The following EDIL3 variants were observed in gnomAD, a reference collection of about 807,000 sequenced individuals.
The protein encoded by EDIL3 is EGF-like repeat and discoidin I-like domain-containing protein 3.
In EDIL3, 37 loss-of-function variants were observed where a neutral mutation model predicts 67.4. The observed-to-expected ratio is 0.55, with a 90% CI of 0.42 to 0.72. The LOEUF (loss-of-function observed/expected upper bound fraction) is 0.72, where lower values mean the gene tolerates loss of function less well. Ranked by LOEUF, EDIL3 falls within the 30% of genes least tolerant of loss-of-function variation. The pLI is 0.00. For synonymous variants in EDIL3, 195 were observed against 196.3 expected (o/e 0.99, Z 0.05); for missense variants, 527 against 586.3 (o/e 0.90, Z 1.04).
At chr5:84,218,060 G>A (rs1456891964) in intron 3 of EDIL3, among the ~76,000 whole-genome samples, 1 of 151,982 alleles carries the variant, frequency 6.6e-6, no homozygotes, top group Non-Finnish European at 1.5e-5. Flanking sequence ...ACACCTCTAG[G>A]ACTATCTTTC....
At chr5:84,053,556 C>G (rs1335545775) in intron 9 of EDIL3, among the ~76,000 whole-genome samples, 1 of 151,834 alleles carries the variant, frequency 6.6e-6, no homozygotes, top group South Asian at 2.1e-4. Context: ...ATTGATAGAC[C>G]GCTAGCAAGA....
chr5:84,054,766 C>A (rs1460725642), intron 9 of EDIL3, among the ~76,000 whole-genome samples: 19 of 151,738 alleles, frequency 1.3e-4, no homozygotes, highest in Admixed American at 5.2e-4. Flanking sequence ...TGTGAAGGAC[C>A]TCTTCAAGGA....
chr5:84,357,263 C>T (rs1050911880), intron 1 of EDIL3, among the ~76,000 whole-genome samples: 3 of 152,054 alleles, frequency 2.0e-5, no homozygotes, highest in African/African-American at 7.2e-5. Flanking sequence ...CACATTAATT[C>T]TAATTTGTAC....
chr5:84,052,045 A>G (rs1281305617), intron 9 of EDIL3, among the ~76,000 whole-genome samples: 2 of 152,242 alleles, frequency 1.3e-5, no homozygotes, highest in Non-Finnish European at 2.9e-5. Flanking sequence ...AAAAACGTTA[A>G]GGGCAGCCAG....
chr5:84,298,871 C>T (rs527902403), intron 1 of EDIL3, among the ~76,000 whole-genome samples: 14 of 152,110 alleles, frequency 9.2e-5, no homozygotes, highest in Non-Finnish European at 1.9e-4. Context: ...AATGCTGATT[C>T]GGTCTTTTGT....
At chr5:84,249,566 G>T (rs1384614135) in intron 2 of EDIL3, among the ~76,000 whole-genome samples, 1 of 151,950 alleles carries the variant, frequency 6.6e-6, no homozygotes. Context: ...CTATTACTTA[G>T]TAAACACTCA....
intron 1 of EDIL3, among the ~76,000 whole-genome samples, chr5:84,267,786 A>G (rs1451223800): frequency 6.6e-6 from 1 of 152,254 alleles, no homozygotes; most frequent in Non-Finnish European, 1.5e-5. Flanking sequence ...AATATATGAA[A>G]TGACAAAATG....
chr5:84,381,655 G>A (rs1748076830), intron 1 of EDIL3, among the ~76,000 whole-genome samples: 1 of 152,086 alleles, frequency 6.6e-6, no homozygotes, highest in African/African-American at 2.4e-5. Flanking sequence ...GACATGTCTA[G>A]ACATTTTTAG....
At chr5:84,244,425 T>G (rs2112063394) in intron 2 of EDIL3, among the ~76,000 whole-genome samples, 1 of 151,548 alleles carries the variant, frequency 6.6e-6, no homozygotes, top group African/African-American at 2.4e-5. Flanking sequence ...ATTACAGGTG[T>G]GCACCACCAC....
rs1468600710 is a variant in EDIL3 at position 84,263,209 on chromosome 5, A to C, written c.68-8997T>G. ...AGCATGAGAGAGGGCCACCAAACCC[A>C]GAACTGTGAGTCAAGAAGCCTTCTG... is the stretch of plus-strand genomic sequence containing the variant. On this transcript the variant is annotated intron_variant, in intron 1 of 10. Transcript: ENST00000296591. Among the ~76,000 whole-genome samples, 6 of 152,310 alleles carry C rather than the reference A, an allele frequency of 3.9e-5. No individual in the cohort carries two copies. In the East Asian group the frequency reaches 1.2e-3, roughly 29 times the overall value.
intron 1 of EDIL3, among the ~76,000 whole-genome samples, chr5:84,356,784 A>C (rs1747491722): frequency 6.6e-6 from 1 of 152,026 alleles, no homozygotes; most frequent in African/African-American, 2.4e-5. Flanking sequence ...TAGGTCTAAC[A>C]AACCATACTC....
At chr5:84,305,865 C>G (rs925662853) in intron 1 of EDIL3, among the ~76,000 whole-genome samples, 9 of 151,080 alleles carry the variant, frequency 6.0e-5, no homozygotes, top group African/African-American at 2.2e-4. Context: ...AGCGACAGAG[C>G]AAGACTTGGT....
At chr5:84,324,269 T>C (rs1175306607) in intron 1 of EDIL3, among the ~76,000 whole-genome samples, 1 of 151,840 alleles carries the variant, frequency 6.6e-6, no homozygotes, top group Non-Finnish European at 1.5e-5. Context: ...GAAGGAAAAC[T>C]GACATTCTCA....
Position 84,384,292 on chromosome 5 carries a change from G to A in EDIL3, c.67+16C>T. The A allele has an allele frequency of 6.2e-7, 1 of 1,605,650 alleles. No homozygotes were observed. Among genetic ancestry groups the A allele is most frequent in the Non-Finnish European group, 8.5e-7 (1 of 1,176,032 alleles). On this transcript the variant is annotated intron_variant, in intron 1 of 10. Transcript: ENST00000296591. ...AGCCCATCCCTCACCCAGCTGTCCG[G>A]GTCCCGACGCCTTACCTTTGCCGAA...
In EDIL3 at chr5:83,941,133, T is replaced by G. The variant is rs1744216666; in HGVS notation, c.*2286A>C. On this transcript the variant is annotated 3_prime_UTR_variant, in exon 11 of 11. Transcript: ENST00000296591. The stretch of plus-strand genomic sequence containing the variant: ...CATGAATGACACAAAAGCTACTTCA[T>G]AATACTACTTTACAATAGTTTTCAA... The G allele has an allele frequency of 6.6e-6, 1 of 152,026 alleles. No individual in the cohort carries two copies. Among genetic ancestry groups the G allele is most frequent in the Non-Finnish European group, 1.5e-5 (1 of 67,902 alleles). The allele number at this position is 152,026 out of a possible 1,614,324, so 9.4% of individuals were successfully genotyped here. A position where few individuals can be genotyped will look rare whatever the true frequency, so the allele number is the denominator to read the frequency against.
Position 84,220,533 on chromosome 5 carries a change from C to A in EDIL3, c.226+9322G>T, listed in dbSNP as rs181235686. Among the ~76,000 whole-genome samples the A allele has an allele frequency of 7.2e-5, 11 of 151,910 alleles. No individual in the cohort carries two copies. The East Asian group carries it at 1.9e-3, about 27-fold the overall frequency. On this transcript the variant is annotated intron_variant, in intron 3 of 10. Transcript: ENST00000296591. ...AACATAGCAAAGTATAGAAAAATAA[C>A]CATGAAGGTAGTTAAAGTGAAAAAG...
At chr5:84,096,109 T>C (rs1747258225) in intron 6 of EDIL3, among the ~76,000 whole-genome samples, 1 of 152,134 alleles carries the variant, frequency 6.6e-6, no homozygotes, top group Non-Finnish European at 1.5e-5. Context: ...GGTGAGGCCC[T>C]CATGGAAAAC....
intron 6 of EDIL3, among the ~76,000 whole-genome samples, chr5:84,081,392 G>A (rs1746964737): frequency 6.6e-6 from 1 of 152,124 alleles, no homozygotes; most frequent in Non-Finnish European, 1.5e-5. Context: ...TGTAAATAAA[G>A]ATAAAGTTGA....
chr5:84,057,050 T>C (rs1287748193), intron 9 of EDIL3, among the ~76,000 whole-genome samples: 1 of 152,074 alleles, frequency 6.6e-6, no homozygotes, highest in Non-Finnish European at 1.5e-5. Context: ...TTGCATGATG[T>C]CACAAAATAA....
Sources: gnomAD v4.1 joint callset for allele counts (sites outside exome capture counted in the v4.1 genomes callset) on GRCh38, gnomAD v4.1.1 for gene constraint, MANE v1.5 for transcripts, NCBI Gene and HGNC (gene_info 2026-07-23, HGNC 2026-07-21) for gene names.